Variants in HSDL2 observed in about 807,000 individuals in gnomAD.
The protein encoded by HSDL2 is hydroxysteroid dehydrogenase-like protein 2.
Under a neutral mutation model 46.3 loss-of-function variants are expected in HSDL2, and 27 were observed. That is an observed-to-expected ratio of 0.58 (90% confidence interval 0.43 to 0.80). The LOEUF is 0.80. Among genes scored for constraint, HSDL2 ranks in the 30% least tolerant of loss-of-function variants. The pLI is 0.00. For synonymous variants in HSDL2, 153 were observed against 163.6 expected, an observed-to-expected ratio of 0.94 and a Z score of 0.50; for missense variants, 451 against 502.7, an observed-to-expected ratio of 0.90 and a Z score of 0.98.
At chr9:112,453,757 T>C (rs140681496) in intron 8 of HSDL2, among the ~76,000 whole-genome samples, 22 of 152,340 alleles carry the variant, frequency 1.4e-4, no homozygotes, top group African/African-American at 5.3e-4. Context: ...AGTTTAGTAG[T>C]ATTTTTTAAC....
chr9:112,398,445 A>G lies in HSDL2; in HGVS notation c.18-5550A>G, dbSNP rs115748443. ...CCAAGTCGGGTCCGTGGGAGCTACAAGTACCGGCTCCTCATGAAAAGAAAT... is the reference window on the plus strand; with the variant it reads ...CCAAGTCGGGTCCGTGGGAGCTACAGGTACCGGCTCCTCATGAAAAGAAAT... On this transcript the variant is annotated intron_variant, in intron 1 of 10. Coordinates refer to ENST00000398805, the MANE Select transcript of HSDL2 (RefSeq NM_032303.5). Among the ~76,000 whole-genome samples, 964 of 152,174 alleles carry G rather than the reference A, an allele frequency of 6.3e-3. 14 individuals carry two copies. The highest frequency in any genetic ancestry group is 0.022 in the African/African-American group (926 of 41,498).
At chr9:112,389,548 A>C (rs567359946) in intron 1 of HSDL2, among the ~76,000 whole-genome samples, 1 of 152,224 alleles carries the variant, frequency 6.6e-6, no homozygotes, top group Non-Finnish European at 1.5e-5. Flanking sequence ...TGGAGTACCT[A>C]GGAATAAAGC....
chr9:112,457,174 G>T (rs1304270495), intron 9 of HSDL2, among the ~76,000 whole-genome samples: 9 of 151,808 alleles, frequency 5.9e-5, no homozygotes, highest in Non-Finnish European at 1.2e-4. Flanking sequence ...AAAAATGGAG[G>T]AAATCAAGCG....
intron 1 of HSDL2, among the ~76,000 whole-genome samples, chr9:112,396,094 G>A (rs544137606): frequency 6.6e-6 from 1 of 152,270 alleles, no homozygotes; most frequent in East Asian, 1.9e-4. Flanking sequence ...TCCATTATAT[G>A]TTGACTGGGA....
intron 10 of HSDL2, among the ~76,000 whole-genome samples, chr9:112,463,702 C>T (rs955507589): frequency 1.0e-5 from 1 of 99,164 alleles, no homozygotes; most frequent in Admixed American, 1.0e-4. Flanking sequence ...TCTTGCTCTC[C>T]TAGGCTGGAG....
chr9:112,414,968 G>A (rs1831959904), intron 4 of HSDL2, among the ~76,000 whole-genome samples: 1 of 145,944 alleles, frequency 6.9e-6, no homozygotes, highest in Non-Finnish European at 1.5e-5. Flanking sequence ...AAAAAAAAAA[G>A]AATGGACAAG....
chr9:112,435,412 C>T (rs1167704115), intron 6 of HSDL2, among the ~76,000 whole-genome samples: 2 of 152,194 alleles, frequency 1.3e-5, no homozygotes, highest in African/African-American at 4.8e-5. Context: ...CTGCAGTTTT[C>T]GGGAGTGAGA....
intron 8 of HSDL2, among the ~76,000 whole-genome samples, chr9:112,447,203 C>G (rs978820920): frequency 6.6e-6 from 1 of 152,146 alleles, no homozygotes; most frequent in Non-Finnish European, 1.5e-5. Flanking sequence ...CTTTTGTGTA[C>G]TGGAATTCTA....
chr9:112,431,802 G>A (rs1458071842), intron 6 of HSDL2, among the ~76,000 whole-genome samples: 3 of 151,802 alleles, frequency 2.0e-5, no homozygotes, highest in African/African-American at 7.3e-5. Context: ...TTGGAGCCAT[G>A]CTTGTACAGC....
At chr9:112,380,220 G>T in intron 1 of HSDL2, 40 bp downstream of exon 1, 1 of 1,527,868 alleles carries the variant, frequency 6.5e-7, no homozygotes, top group East Asian at 2.5e-5. Context: ...ACCCTGTCGG[G>T]CGAAGGGCGC....
chr9:112,389,982 T>C (rs1000023997), intron 1 of HSDL2, among the ~76,000 whole-genome samples: 6 of 151,710 alleles, frequency 4.0e-5, no homozygotes, highest in Admixed American at 3.3e-4. Flanking sequence ...GGAGAATCAC[T>C]TGAACCCAGG....
chr9:112,384,336 T>G (rs1733276585), intron 1 of HSDL2, among the ~76,000 whole-genome samples: 1 of 152,200 alleles, frequency 6.6e-6, no homozygotes, highest in African/African-American at 2.4e-5. Context: ...ATTCTGGTAC[T>G]AATGCTTTGG....
chr9:112,410,316 AAC>A lies in HSDL2; in HGVS notation c.395+1301_395+1302del, dbSNP rs576725488. Among the ~76,000 whole-genome samples the A allele has an allele frequency of 7.5e-4, 115 of 152,356 alleles. 1 individual carries two copies. Among genetic ancestry groups the A allele is most frequent in the Non-Finnish European group, 1.5e-3 (105 of 68,036 alleles). Reference sequence around the variant, plus strand: ...TTCTGTACCTTACATGTATCTTGTTAACACACAGAATAGGTGGTTAGGAGCTT... The same window carrying A: ...TTCTGTACCTTACATGTATCTTGTTAACACAGAATAGGTGGTTAGGAGCTT... On this transcript the variant is annotated intron_variant, in intron 4 of 10. Coordinates refer to ENST00000398805, the MANE Select transcript of HSDL2 (RefSeq NM_032303.5).
intron 1 of HSDL2, among the ~76,000 whole-genome samples, chr9:112,380,975 C>A (rs1831076025): frequency 6.6e-6 from 1 of 152,136 alleles, no homozygotes. Context: ...AGACTTAAAA[C>A]AGTTCAAAGA....
At chr9:112,382,498 C>T (rs530551107) in intron 1 of HSDL2, among the ~76,000 whole-genome samples, 1 of 152,238 alleles carries the variant, frequency 6.6e-6, no homozygotes, top group East Asian at 1.9e-4. Flanking sequence ...TGTATTTAAA[C>T]CAGGGACAAT....
chr9:112,426,008 T>G (rs1180995605), intron 6 of HSDL2, among the ~76,000 whole-genome samples: 3 of 152,266 alleles, frequency 2.0e-5, no homozygotes, highest in East Asian at 3.9e-4. Flanking sequence ...CCCAAATTGT[T>G]GGCATTACAG....
rs751713292 is a variant in HSDL2 at position 112,438,542 on chromosome 9, G to A, written c.710G>A (p.Ser237Asn). ...AAYSIFQKPK[S>N]FTGNFVIDEN... The stretch of plus-strand genomic sequence containing the variant: ...TATTCCATTTTCCAAAAGCCAAAAA[G>A]TTTTACTGGCAACTTTGTCATTGAT... Residue 237 changes from serine (S) to asparagine (N), a missense_variant, in exon 7 of 11, where the codon AGT becomes AAT. Transcript: ENST00000398805. 9 of 1,612,616 alleles carry A rather than the reference G, an allele frequency of 5.6e-6. No homozygotes were observed. Among genetic ancestry groups the A allele is most frequent in the Non-Finnish European group, 7.6e-6 (9 of 1,179,318 alleles).
At chr9:112,394,113 A>C (rs1032077866) in intron 1 of HSDL2, among the ~76,000 whole-genome samples, 1 of 152,222 alleles carries the variant, frequency 6.6e-6, no homozygotes, top group Non-Finnish European at 1.5e-5. Context: ...GATCGGCGTC[A>C]AAAAGAGGAA....
intron 1 of HSDL2, among the ~76,000 whole-genome samples, chr9:112,380,514 T>G (rs903300249): frequency 6.6e-6 from 1 of 152,124 alleles, no homozygotes; most frequent in Admixed American, 6.6e-5. Context: ...GCGTGTGAGT[T>G]CTAGGTGAAA....
Sources: allele counts gnomAD v4.1 joint callset (sites outside exome capture counted in the v4.1 genomes callset), GRCh38; gene constraint gnomAD v4.1.1; transcripts MANE v1.5; gene names NCBI Gene and HGNC (gene_info 2026-07-23, HGNC 2026-07-21).